Variants in SEH1L observed in about 807,000 individuals in gnomAD.
SEH1L encodes SEH1 like nucleoporin.
A neutral mutation model predicts 49.5 loss-of-function variants in SEH1L; 18 were observed. The observed-to-expected ratio is 0.36, with a 90% confidence interval of 0.25 to 0.54. SEH1L has a LOEUF of 0.54. Ranked by LOEUF, SEH1L falls within the 20% of genes least tolerant of loss-of-function variation. The pLI is 0.87. For missense variants in SEH1L, 404 were observed against 528.8 expected (o/e 0.76, Z 2.31); for synonymous variants, 169 against 178.1 (o/e 0.95, Z 0.41).
At chr18:12,952,494 T>G (rs2058946156) in intron 2 of SEH1L, among the ~76,000 whole-genome samples, 1 of 152,150 alleles carries the variant, frequency 6.6e-6, no homozygotes, top group Non-Finnish European at 1.5e-5. Context: ...CCTCCCAAAG[T>G]GCTGGGTTTA....
At chr18:12,957,977 G>T (rs1045543079) in intron 3 of SEH1L, among the ~76,000 whole-genome samples, 33 of 149,352 alleles carry the variant, frequency 2.2e-4, no homozygotes, top group East Asian at 2.0e-3. Flanking sequence ...CCAAAGTGCT[G>T]TGATTATAGG....
intron 3 of SEH1L, among the ~76,000 whole-genome samples, chr18:12,957,435 A>G (rs1035269250): frequency 6.6e-6 from 1 of 152,200 alleles, no homozygotes; most frequent in African/African-American, 2.4e-5. Context: ...TCTCAAAAAA[A>G]AAAAAATACA....
intron 7 of SEH1L, 126 bp from the exon 8 acceptor site, chr18:12,983,914 T>C (rs1246497112): frequency 3.3e-6 from 2 of 606,888 alleles, no homozygotes; most frequent in East Asian, 2.8e-5. Flanking sequence ...ATGTTTATCC[T>C]GAAAGAAATG....
chr18:12,967,227 A>G (rs111793496), intron 4 of SEH1L, among the ~76,000 whole-genome samples: 1 of 152,346 alleles, frequency 6.6e-6, no homozygotes, highest in African/African-American at 2.4e-5. Flanking sequence ...ATTTTTGTCA[A>G]CTGATCAGTG....
intron 1 of SEH1L, among the ~76,000 whole-genome samples, chr18:12,951,511 C>T (rs1387801537): frequency 6.6e-6 from 1 of 152,202 alleles, no homozygotes. Context: ...TTGCCTCAGC[C>T]TCCCTAGTAG....
intron 6 of SEH1L, among the ~76,000 whole-genome samples, chr18:12,981,782 A>T (rs1252761981): frequency 6.8e-6 from 1 of 147,810 alleles, no homozygotes; most frequent in Non-Finnish European, 1.5e-5. Flanking sequence ...TTTAACTTTA[A>T]TTTTGAATTG....
chr18:12,966,392 A>G (rs2031456381), intron 4 of SEH1L, among the ~76,000 whole-genome samples: 1 of 150,678 alleles, frequency 6.6e-6, no homozygotes, highest in Non-Finnish European at 1.5e-5. Flanking sequence ...GCACCCAGCC[A>G]CCATTTATTA....
chr18:12,978,512 C>T (rs62095801), intron 5 of SEH1L: 7 of 388,730 alleles, frequency 1.8e-5, no homozygotes, highest in African/African-American at 4.0e-5. Context: ...CCCTAAATCT[C>T]GGATGTCATT....
intron 7 of SEH1L, 179 bp downstream of exon 7, chr18:12,982,854 TG>T: frequency 1.9e-6 from 1 of 531,050 alleles, no homozygotes; most frequent in Non-Finnish European, 3.2e-6. Context: ...ATGACTGAAT[TG>T]TTTTTTAAGT....
At chr18:12,949,231 G>A (rs1202276279) in intron 1 of SEH1L, among the ~76,000 whole-genome samples, 1 of 151,744 alleles carries the variant, frequency 6.6e-6, no homozygotes, top group African/African-American at 2.4e-5. Context: ...ATGTGTTGCA[G>A]GATGAATGAA....
chr18:12,980,830 C>T (rs1180799468), intron 6 of SEH1L, among the ~76,000 whole-genome samples: 1 of 120,320 alleles, frequency 8.3e-6, no homozygotes, highest in African/African-American at 3.1e-5. Context: ...GGCTGACCCC[C>T]CCACTTCCCT....
intron 4 of SEH1L, among the ~76,000 whole-genome samples, chr18:12,965,031 T>TTG (rs1229192760): frequency 1.0e-4 from 15 of 145,634 alleles, no homozygotes; most frequent in Admixed American, 9.0e-4. Flanking sequence ...TTTTTTTTTT[T>TTG]GAGGTGGAGT....
At chr18:12,978,151 T>G (rs1292342584) in intron 5 of SEH1L, 1 of 152,278 alleles carries the variant, frequency 6.6e-6, no homozygotes, top group East Asian at 1.9e-4. Context: ...AATTAAATTT[T>G]TATTAAAGCG....
Position 12,987,191 on chromosome 18 carries a change from A to G in SEH1L, c.*134A>G, listed in dbSNP as rs2032498668. The G allele has an allele frequency of 3.4e-6, 2 of 584,786 alleles. No individual in the cohort carries two copies. The highest frequency in any genetic ancestry group is 6.1e-5 in the East Asian group (2 of 32,584). The allele number at this position is 584,786 out of a possible 1,614,324, so 36.2% of individuals were successfully genotyped here. ...CTGTCTTGCATGTATTACAACCAGA[A>G]TACAGTGTTTGGAACCTAAATCTGT... On this transcript the variant is annotated 3_prime_UTR_variant, in exon 9 of 9. Transcript: ENST00000399892.
At chr18:12,981,146 G>T (rs12232629) in intron 6 of SEH1L, among the ~76,000 whole-genome samples, 20,031 of 151,634 alleles carry the variant, frequency 0.13, 1,931 homozygotes, top group African/African-American at 0.27. Flanking sequence ...TCAGATGATG[G>T]GCGGCCGGGC....
rs2032505821 is a variant in SEH1L, at chr18:12,987,458, A to ATTTCATTT, written c.*403_*410dup. The stretch of plus-strand genomic sequence containing the variant: ...TGCCTTATGAGACCTTAAAAAATGG[A>ATTTCATTT]TTTCATTTTACAGGCTAATGTTGTA... On this transcript the variant is annotated 3_prime_UTR_variant, in exon 9 of 9. Coordinates refer to ENST00000399892, the MANE Select transcript of SEH1L (RefSeq NM_001013437.2). 6.6e-6 allele frequency: 1 copy of ATTTCATTT among 152,620 alleles called. No homozygotes were observed. The highest frequency in any genetic ancestry group is 1.5e-5 in the Non-Finnish European group (1 of 68,470). The allele number at this position is 152,620 out of a possible 1,614,324, so 9.5% of individuals were successfully genotyped here.
At chr18:12,952,994 C>G (rs1477081788) in intron 2 of SEH1L, among the ~76,000 whole-genome samples, 1 of 152,104 alleles carries the variant, frequency 6.6e-6, no homozygotes, top group Non-Finnish European at 1.5e-5. Flanking sequence ...GTTGACCAGG[C>G]TGGTCTCGAA....
chr18:12,971,328 C>T (rs2031691021), intron 5 of SEH1L, 77 bp downstream of exon 5: 3 of 959,942 alleles, frequency 3.1e-6, no homozygotes, highest in African/African-American at 3.3e-5. Flanking sequence ...TATTCATTTA[C>T]AGAATTATGT....
rs529874164 is a variant in SEH1L, at chr18:12,954,642, A to AT, written c.163-815dup. ...CCACCACACCTGACTAATTTTTTGT[A>AT]TTTTTTGTAGTGATGGCATTTTGCC... On this transcript the variant is annotated intron_variant, in intron 2 of 8. Coordinates refer to ENST00000399892, the MANE Select transcript of SEH1L (RefSeq NM_001013437.2). Among the ~76,000 whole-genome samples the AT allele has an allele frequency of 4.4e-3, 675 of 151,978 alleles. 5 individuals carry two copies. The highest frequency in any genetic ancestry group is 0.015 in the African/African-American group (631 of 41,448).
Sources: gnomAD v4.1 joint callset for allele counts (sites outside exome capture counted in the v4.1 genomes callset) on GRCh38, gnomAD v4.1.1 for gene constraint, MANE v1.5 for transcripts, NCBI Gene and HGNC (gene_info 2026-07-23, HGNC 2026-07-21) for gene names.